Variants in CORIN observed in about 807,000 individuals in gnomAD.
The protein encoded by CORIN is corin, serine peptidase.
In CORIN, 117 loss-of-function variants were observed where a neutral mutation model predicts 125.3. The ratio of observed to expected loss-of-function variants is 0.93; its 90% CI spans 0.80 to 1.09. The LOEUF is 1.09. Ranked by LOEUF, CORIN falls within the 50% of genes least tolerant of loss-of-function variation. The pLI, the probability that CORIN is intolerant of heterozygous loss-of-function variation, is 0.00. For missense variants in CORIN, 1,253 were observed against 1,306.7 expected (o/e 0.96, Z 0.63); for synonymous variants, 450 against 466.4 (o/e 0.96, Z 0.45).
At position 47,827,922 on chromosome 4, in the gene CORIN, G is replaced by A. The variant is rs146340336; in HGVS notation, c.63+9965C>T. On this transcript the variant is annotated intron_variant, in intron 1 of 21. Coordinates refer to ENST00000273857, the MANE Select transcript of CORIN (RefSeq NM_006587.4). ...AGCTGCATACATAGGTAAGATGTTC[G>A]GATCTGACCTCTAGCCAGAGTAGAT... Among the ~76,000 whole-genome samples the A allele has an allele frequency of 1.7e-4, 26 of 152,208 alleles. 1 individual carries two copies. In the East Asian group the frequency reaches 5.0e-3, roughly 29 times the overall value.
At chr4:47,760,741 A>G (rs547893494) in intron 4 of CORIN, among the ~76,000 whole-genome samples, 1 of 152,350 alleles carries the variant, frequency 6.6e-6, no homozygotes, top group East Asian at 1.9e-4. Flanking sequence ...AAAGTCCTAG[A>G]TGGCATCTTC....
At chr4:47,710,186 C>T (rs1403774519) in intron 5 of CORIN, among the ~76,000 whole-genome samples, 1 of 152,192 alleles carries the variant, frequency 6.6e-6, no homozygotes, top group Non-Finnish European at 1.5e-5. Flanking sequence ...CATTCTATAA[C>T]TCTATTTTCA....
chr4:47,805,110 T>G (rs1731719617), intron 2 of CORIN, among the ~76,000 whole-genome samples: 1 of 142,412 alleles, frequency 7.0e-6, no homozygotes, highest in Non-Finnish European at 1.5e-5. Flanking sequence ...CACTCCAGCC[T>G]GGGCAACACA....
At chr4:47,701,275 A>G (rs1726280713) in intron 5 of CORIN, among the ~76,000 whole-genome samples, 1 of 152,218 alleles carries the variant, frequency 6.6e-6, no homozygotes, top group African/African-American at 2.4e-5. Context: ...AATTAGTGAG[A>G]AACTGTCTCT....
intron 10 of CORIN, among the ~76,000 whole-genome samples, chr4:47,673,469 G>T (rs957589558): frequency 9.2e-5 from 14 of 151,520 alleles, no homozygotes; most frequent in African/African-American, 2.7e-4. Context: ...GCAGCAAAAA[G>T]TTCATTAGAA....
At chr4:47,625,511 G>A (rs1252836692) in intron 17 of CORIN, among the ~76,000 whole-genome samples, 1 of 152,074 alleles carries the variant, frequency 6.6e-6, no homozygotes, top group Non-Finnish European at 1.5e-5. Context: ...AAAAGATTTA[G>A]GTCATTGTTT....
At chr4:47,837,811 G>C in intron 1 of CORIN, 76 bp downstream of exon 1, 1 of 1,310,254 alleles carries the variant, frequency 7.6e-7, no homozygotes, top group Non-Finnish European at 1.1e-6. Context: ...GGGGCGGGAG[G>C]GGCTGACCCT....
intron 16 of CORIN, among the ~76,000 whole-genome samples, chr4:47,628,982 A>G (rs1265255867): frequency 6.6e-6 from 1 of 152,162 alleles, no homozygotes; most frequent in Non-Finnish European, 1.5e-5. Flanking sequence ...CTTGGGTATT[A>G]TGAAGAGTGC....
At chr4:47,626,282 TG>T in intron 17 of CORIN, 122 bp downstream of exon 17, 1 of 663,922 alleles carries the variant, frequency 1.5e-6, no homozygotes, top group Non-Finnish European at 2.7e-6. Context: ...AGTAAATCTA[TG>T]GAAACTCTTT....
rs200652865 is a variant in CORIN, at chr4:47,653,601, A to G, written c.1795T>C (p.Cys599Arg). The G allele has an allele frequency of 2.2e-4, 361 of 1,614,096 alleles. No individual in the cohort carries two copies. The highest frequency in any genetic ancestry group is 2.9e-4 in the Non-Finnish European group (341 of 1,179,970). The change falls in exon 13 of 22, where the codon TGT becomes CGT. Residue 599 changes from cysteine (C) to arginine (R), a missense_variant. Coordinates refer to ENST00000273857, the MANE Select transcript of CORIN (RefSeq NM_006587.4). Reference sequence around the variant, plus strand: ...TCGTCACAGTCGGCCTGGCCATCACATCTTCTGGAAGCCAGAACACACTGT... The same window carrying G: ...TCGTCACAGTCGGCCTGGCCATCACGTCTTCTGGAAGCCAGAACACACTGT... ...SGQCVLASRR[C>R]DGQADCDDDS...
chr4:47,799,863 T>C (rs961958371), intron 2 of CORIN, among the ~76,000 whole-genome samples: 1 of 152,144 alleles, frequency 6.6e-6, no homozygotes, highest in African/African-American at 2.4e-5. Flanking sequence ...TGTCTATCAA[T>C]TGACAAATGG....
intron 5 of CORIN, among the ~76,000 whole-genome samples, chr4:47,727,536 T>C (rs1454493155): frequency 6.6e-6 from 1 of 152,108 alleles, no homozygotes; most frequent in Non-Finnish European, 1.5e-5. Context: ...AAGGAAAGTT[T>C]TTTAAAGTAA....
Position 47,744,536 on chromosome 4 carries a change from C to T in CORIN, c.665G>A (p.Gly222Asp), listed in dbSNP as rs371576564. Residue 222 changes from glycine to aspartate, a missense_variant, in exon 5 of 22, where the codon GGC (glycine) becomes GAC (aspartate). Coordinates refer to ENST00000273857, the MANE Select transcript of CORIN (RefSeq NM_006587.4). ...CACCATCCCCAGGACTGATTCACAGCCTTCTTTTGCAGCCTCACAGAAGGA... is the reference window on the plus strand; with the variant it reads ...CACCATCCCCAGGACTGATTCACAGTCTTCTTTTGCAGCCTCACAGAAGGA... ...CRSFCEAAKE[G>D]CESVLGMVNY... 20 of 1,613,122 alleles carry T rather than the reference C, an allele frequency of 1.2e-5. No homozygotes were observed. The African/African-American group carries it at 2.1e-4, about 17-fold the overall frequency.
intron 5 of CORIN, among the ~76,000 whole-genome samples, chr4:47,707,665 T>A (rs901756826): frequency 6.6e-6 from 1 of 152,148 alleles, no homozygotes; most frequent in African/African-American, 2.4e-5. Flanking sequence ...ATTCATCTTC[T>A]TTATTTCTAC....
At chr4:47,683,054 T>C (rs770185288) in intron 7 of CORIN, 8 of 152,260 alleles carry the variant, frequency 5.3e-5, no homozygotes, top group Non-Finnish European at 1.2e-4. Flanking sequence ...TGCCCTTTTG[T>C]TCATGTTGCA....
chr4:47,693,085 T>TAAA lies in CORIN; in HGVS notation c.800-5_800-3dup. On this transcript the variant is annotated splice_polypyrimidine_tract_variant and splice_region_variant and intron_variant, in intron 5 of 21. Transcript: ENST00000273857. ...AGTTCTCACCCCTTCCACAGAGCAC[T>TAAA]AAAAAAAAAGGGCAGGAAATAATGT... 6.5e-7 allele frequency: 1 copy of TAAA among 1,537,494 alleles called. No homozygotes were observed. Among genetic ancestry groups the TAAA allele is most frequent in the Non-Finnish European group, 8.9e-7 (1 of 1,127,548 alleles).
chr4:47,702,277 A>C (rs971546896), intron 5 of CORIN, among the ~76,000 whole-genome samples: 5 of 152,222 alleles, frequency 3.3e-5, no homozygotes, highest in African/African-American at 1.2e-4. Flanking sequence ...AAACAAATAC[A>C]GGATGGTTTC....
At chr4:47,650,298 T>C (rs1723682499) in intron 13 of CORIN, among the ~76,000 whole-genome samples, 1 of 152,224 alleles carries the variant, frequency 6.6e-6, no homozygotes. Flanking sequence ...ATGTATACCA[T>C]TTTACTTAGA....
chr4:47,654,226 T>C (rs1199860791), intron 12 of CORIN, among the ~76,000 whole-genome samples: 1 of 152,246 alleles, frequency 6.6e-6, no homozygotes, highest in Non-Finnish European at 1.5e-5. Context: ...TCTGAGTTCA[T>C]TATTTTTAAT....
Sources: gnomAD v4.1 joint callset for allele counts (sites outside exome capture counted in the v4.1 genomes callset) on GRCh38, gnomAD v4.1.1 for gene constraint, MANE v1.5 for transcripts, NCBI Gene and HGNC (gene_info 2026-07-23, HGNC 2026-07-21) for gene names.